PCYT1B: variants seen among roughly 807,000 people sequenced by gnomAD.
PCYT1B encodes the protein choline-phosphate cytidylyltransferase B.
In PCYT1B, 10 loss-of-function variants were observed where a neutral mutation model predicts 26.4. The ratio of observed to expected loss-of-function variants is 0.38; its 90% CI spans 0.23 to 0.64. PCYT1B has a LOEUF of 0.64. Among genes scored for constraint, PCYT1B ranks in the 30% least tolerant of loss-of-function variants. The pLI is 0.56. For missense variants in PCYT1B, 161 were observed against 292.7 expected (o/e 0.55, Z 3.28); for synonymous variants, 131 against 108.4 (o/e 1.21, Z -1.29).
At chrX:24,646,770 G>GC (rs1167975777) in intron 1 of PCYT1B, among the ~76,000 whole-genome samples, 2 of 111,397 alleles carry the variant, frequency 1.8e-5, no homozygotes, top group Non-Finnish European at 1.9e-5. Flanking sequence ...ATCCCAAGCA[G>GC]CCCGTTTCCT....
At chrX:24,607,994 T>C (rs1401906788) in intron 2 of PCYT1B, 133 bp from the exon 3 acceptor site, 3 of 429,075 alleles carry the variant, frequency 7.0e-6, no homozygotes, top group Non-Finnish European at 8.2e-6. Context: ...GTGCACGAAA[T>C]TGATTTTAAA....
intron 2 of PCYT1B, among the ~76,000 whole-genome samples, chrX:24,614,652 A>G (rs1290806850): frequency 8.9e-6 from 1 of 112,474 alleles, no homozygotes; most frequent in Non-Finnish European, 1.9e-5. Context: ...AAACAGGTAA[A>G]TTGCTTACTA....
chrX:24,598,094 T>C (rs1325023604), intron 3 of PCYT1B, among the ~76,000 whole-genome samples: 3 of 112,062 alleles, frequency 2.7e-5, no homozygotes, highest in Non-Finnish European at 5.6e-5. Flanking sequence ...GTGACTAGAA[T>C]ATTTTCTAGA....
chrX:24,606,787 A>C (rs1925151163), intron 3 of PCYT1B, among the ~76,000 whole-genome samples: 1 of 112,178 alleles, frequency 8.9e-6, no homozygotes, highest in Admixed American at 9.5e-5. Flanking sequence ...GAATCACTTG[A>C]ACCCAGGAGG....
At chrX:24,626,679 G>C in intron 1 of PCYT1B, among the ~76,000 whole-genome samples, 1 of 111,683 alleles carries the variant, frequency 9.0e-6, no homozygotes, top group Non-Finnish European at 1.9e-5. Context: ...CTATTATCCA[G>C]AAATTAACTG....
At chrX:24,576,777 G>T (rs1924029805) in intron 6 of PCYT1B, among the ~76,000 whole-genome samples, 1 of 110,829 alleles carries the variant, frequency 9.0e-6, no homozygotes, top group Non-Finnish European at 1.9e-5. Flanking sequence ...TCTGTCTTCC[G>T]TTACTTACTA....
chrX:24,562,793 T>C (rs1923478286), intron 7 of PCYT1B, among the ~76,000 whole-genome samples: 1 of 107,747 alleles, frequency 9.3e-6, no homozygotes, highest in Non-Finnish European at 1.9e-5. Flanking sequence ...AGTGGCATGA[T>C]CTTGGCTCAC....
At chrX:24,644,029 C>T (rs1926544965) in intron 1 of PCYT1B, among the ~76,000 whole-genome samples, 2 of 112,161 alleles carry the variant, frequency 1.8e-5, no homozygotes, top group South Asian at 7.4e-4. Flanking sequence ...AATATGAAGA[C>T]ACTAGCAAAG....
At chrX:24,619,663 C>G (rs1001281981) in intron 1 of PCYT1B, among the ~76,000 whole-genome samples, 1 of 112,305 alleles carries the variant, frequency 8.9e-6, no homozygotes, top group Non-Finnish European at 1.9e-5. Context: ...ACTCTGATGT[C>G]TCTTTCAATG....
intron 5 of PCYT1B, among the ~76,000 whole-genome samples, chrX:24,585,240 G>A (rs1273369094): frequency 9.0e-6 from 1 of 111,389 alleles, no homozygotes; most frequent in East Asian, 2.8e-4. Flanking sequence ...CCTTTAGAAA[G>A]CTCAGTGCAG....
rs372958325 is a variant in PCYT1B at position 24,562,103 on chromosome X, C to T, written c.*190G>A. On this transcript the variant is annotated 3_prime_UTR_variant, in exon 8 of 8. Transcript: ENST00000379144. ...TGTCCAGCTAGAAGTCTCTGCACCT[C>T]GCCCAACTCTTCAGCTGTACGGAGA... is the stretch of plus-strand genomic sequence containing the variant. The T allele has an allele frequency of 1.4e-5, 17 of 1,208,978 alleles. No homozygotes were observed. Among genetic ancestry groups the T allele is most frequent in the East Asian group, 3.0e-5 (1 of 33,765 alleles).
intron 6 of PCYT1B, among the ~76,000 whole-genome samples, chrX:24,576,200 A>G (rs780093824): frequency 8.9e-6 from 1 of 112,628 alleles, no homozygotes; most frequent in Non-Finnish European, 1.9e-5. Flanking sequence ...TAAAACCATG[A>G]AAATAACATG....
intron 1 of PCYT1B, among the ~76,000 whole-genome samples, chrX:24,629,559 C>CAAAAAAAAA (rs1165553186): frequency 0.01 from 166 of 16,097 alleles, 47 homozygotes; most frequent in Admixed American, 0.029. Flanking sequence ...GACCCTGTCT[C>CAAAAAAAAA]AAAAAAAAAA....
At chrX:24,596,612 C>T (rs1373275458) in intron 3 of PCYT1B, among the ~76,000 whole-genome samples, 1 of 107,464 alleles carries the variant, frequency 9.3e-6, no homozygotes, top group Non-Finnish European at 1.9e-5. Context: ...AAAAAAAGTG[C>T]TGGTGTTATA....
chrX:24,620,613 C>A (rs771036798), intron 1 of PCYT1B, among the ~76,000 whole-genome samples: 3 of 112,234 alleles, frequency 2.7e-5, no homozygotes, highest in Admixed American at 9.5e-5. Flanking sequence ...CCACAAACCC[C>A]GGGTTCAGAT....
chrX:24,599,360 C>T (rs760649770), intron 3 of PCYT1B, among the ~76,000 whole-genome samples: 2 of 111,388 alleles, frequency 1.8e-5, no homozygotes, highest in South Asian at 7.6e-4. Context: ...TGAGTGGCAT[C>T]ACTGTAACAA....
intron 3 of PCYT1B, among the ~76,000 whole-genome samples, chrX:24,594,574 G>T (rs1392438718): frequency 9.0e-6 from 1 of 111,708 alleles, no homozygotes; most frequent in Non-Finnish European, 1.9e-5. Flanking sequence ...TACTGATAGA[G>T]CACAAAGAAA....
At chrX:24,628,332 G>C (rs1403415081) in intron 1 of PCYT1B, among the ~76,000 whole-genome samples, 1 of 111,305 alleles carries the variant, frequency 9.0e-6, no homozygotes, top group East Asian at 2.8e-4. Flanking sequence ...GGCAGTACCT[G>C]GCATATAGAA....
chrX:24,670,088 GAAAGAAAGAAAGAAAGAAAGA>G (rs1569261822), intron 1 of PCYT1B, among the ~76,000 whole-genome samples: 4 of 89,225 alleles, frequency 4.5e-5, no homozygotes, highest in East Asian at 7.4e-4. Context: ...AAGAAAGAAA[GAAAGAAAGAAAGAAAGAAAGA>G]AAGAAAGGAA....
Sources: allele counts gnomAD v4.1 joint callset (sites outside exome capture counted in the v4.1 genomes callset), GRCh38; gene constraint gnomAD v4.1.1; transcripts MANE v1.5; gene names NCBI Gene and HGNC (gene_info 2026-07-23, HGNC 2026-07-21).